DIP2C: variants seen among roughly 807,000 people sequenced by gnomAD.
DIP2C encodes the protein disco-interacting protein 2 homolog C.
Under a neutral mutation model 192.4 loss-of-function variants are expected in DIP2C, and 33 were observed. The observed-to-expected ratio is 0.17, with a 90% confidence interval of 0.13 to 0.23. The LOEUF (loss-of-function observed/expected upper bound fraction) is 0.23. Among genes scored for constraint, DIP2C ranks in the 10% least tolerant of loss-of-function variants. DIP2C has a pLI of 1.00. For missense variants in DIP2C, 1,537 were observed against 2,110.1 expected (o/e 0.73, Z 5.32); for synonymous variants, 979 against 864.1 (o/e 1.13, Z -2.33).
At position 684,446 on chromosome 10, in the gene DIP2C, C is replaced by A. The variant is rs181211225; in HGVS notation, c.85+5048G>T. Among the ~76,000 whole-genome samples, 325 of 152,314 alleles carry A rather than the reference C, an allele frequency of 2.1e-3. 1 individual carries two copies. Among genetic ancestry groups the A allele is most frequent in the Middle Eastern group, 6.8e-3 (2 of 294 alleles). On this transcript the variant is annotated intron_variant, in intron 1 of 36. Coordinates refer to ENST00000280886, the MANE Select transcript of DIP2C (RefSeq NM_014974.3). ...CTCCTCTCAGTTACAACAAACTGTC[C>A]GTGAGGCTCAATGAAGCTCAGCTTT...
intron 3 of DIP2C, among the ~76,000 whole-genome samples, chr10:442,316 G>A (rs1161657400): frequency 6.6e-6 from 1 of 152,022 alleles, no homozygotes; most frequent in Non-Finnish European, 1.5e-5. Context: ...CCCACAATCA[G>A]CTCATCACAC....
intron 8 of DIP2C, among the ~76,000 whole-genome samples, chr10:412,629 A>C (rs1965262170): frequency 6.6e-6 from 1 of 152,312 alleles, no homozygotes; most frequent in East Asian, 1.9e-4. Flanking sequence ...CCCAAATCCC[A>C]CATCTGTCCT....
intron 1 of DIP2C, among the ~76,000 whole-genome samples, chr10:555,892 C>T (rs112108307): frequency 6.6e-6 from 1 of 152,150 alleles, no homozygotes; most frequent in East Asian, 1.9e-4. Flanking sequence ...TCAGCGAACA[C>T]CCTTCCTGCA....
At chr10:424,165 TCGGGTGAGAGG>T (rs1966408076) in intron 4 of DIP2C, among the ~76,000 whole-genome samples, 2 of 152,242 alleles carry the variant, frequency 1.3e-5, no homozygotes, top group South Asian at 4.2e-4. Context: ...GCTCCAGCCA[TCGGGTGAGAGG>T]AGAAGTCACG....
intron 24 of DIP2C, 70 bp from the exon 25 acceptor site, chr10:349,524 C>A (rs951446137): frequency 6.5e-7 from 1 of 1,533,240 alleles, no homozygotes; most frequent in Non-Finnish European, 8.8e-7. Context: ...AGCGCGCACG[C>A]GTCATACAAC....
At position 363,992 on chromosome 10, in the gene DIP2C, G is replaced by A. The variant is rs540503843; in HGVS notation, c.2477+382C>T. Among the ~76,000 whole-genome samples, 273 of 152,316 alleles carry A rather than the reference G, an allele frequency of 1.8e-3. No individual in the cohort carries two copies. The highest frequency in any genetic ancestry group is 0.014 in the Middle Eastern group (4 of 294). On this transcript the variant is annotated intron_variant, in intron 20 of 36. Transcript: ENST00000280886. The surrounding 1 kb of genome is among the most constrained non-coding windows in gnomAD (Gnocchi z 5.4). ...AGAAGAAAACTGGTAGAGCGGGGAGGTGGCGAGCGTCTGCACTCACACAAG... is the reference window on the plus strand; with the variant it reads ...AGAAGAAAACTGGTAGAGCGGGGAGATGGCGAGCGTCTGCACTCACACAAG...
At chr10:526,895 T>A (rs567724197) in intron 1 of DIP2C, among the ~76,000 whole-genome samples, 1 of 152,328 alleles carries the variant, frequency 6.6e-6, no homozygotes. Context: ...CCATCATGGA[T>A]AACCAGCCCT....
Position 276,108 on chromosome 10 carries a change from T to A in DIP2C, c.*1217A>T, listed in dbSNP as rs1485032564. 1.3e-5 allele frequency: 2 copies of A among 152,664 alleles called. No homozygotes were observed. Among genetic ancestry groups the A allele is most frequent in the Non-Finnish European group, 2.9e-5 (2 of 68,042 alleles). 9.5% of individuals were successfully genotyped at this position (152,664 alleles called of 1,614,324 possible). A position where few individuals can be genotyped will look rare whatever the true frequency, so the allele number is the denominator to read the frequency against. ...AAAAAGATGACATTAACAAAAATGATGAAAAACATTGTGCAATGAATTCTT... is the reference window on the plus strand; with the variant it reads ...AAAAAGATGACATTAACAAAAATGAAGAAAAACATTGTGCAATGAATTCTT... On this transcript the variant is annotated 3_prime_UTR_variant, in exon 37 of 37. Transcript: ENST00000280886.
intron 1 of DIP2C, chr10:667,727 CAT>C (rs1857184540): frequency 6.6e-6 from 1 of 152,104 alleles, no homozygotes; most frequent in Non-Finnish European, 1.5e-5. Flanking sequence ...ACACAACACA[CAT>C]GTACAATGCA....
intron 1 of DIP2C, among the ~76,000 whole-genome samples, chr10:495,573 A>C (rs904976128): frequency 2.2e-4 from 33 of 151,704 alleles, no homozygotes; most frequent in Admixed American, 4.6e-4. Flanking sequence ...CAGTGAACAA[A>C]AAAAAAAAAA....
intron 1 of DIP2C, among the ~76,000 whole-genome samples, chr10:579,144 G>T (rs139578723): frequency 7.9e-5 from 12 of 151,442 alleles, no homozygotes; most frequent in African/African-American, 2.9e-4. Flanking sequence ...TACATGCGTA[G>T]AGCATACACC....
At chr10:507,182 T>C (rs1588332586) in intron 1 of DIP2C, among the ~76,000 whole-genome samples, 1 of 151,294 alleles carries the variant, frequency 6.6e-6, no homozygotes, top group Admixed American at 6.6e-5. Flanking sequence ...TCACCAGCTG[T>C]GCCCAATCAG....
At chr10:604,737 T>G (rs1289426075) in intron 1 of DIP2C, among the ~76,000 whole-genome samples, 1 of 152,208 alleles carries the variant, frequency 6.6e-6, no homozygotes, top group Non-Finnish European at 1.5e-5. Context: ...ATAAACTAAA[T>G]GGGTATATTA....
chr10:342,826 T>TA (rs1958223345), intron 28 of DIP2C, among the ~76,000 whole-genome samples: 1 of 152,202 alleles, frequency 6.6e-6, no homozygotes, highest in East Asian at 1.9e-4. Flanking sequence ...TCCTCTTCCC[T>TA]AATCCCTGTA....
chr10:668,292 C>T (rs560314809), intron 1 of DIP2C: 1 of 151,942 alleles, frequency 6.6e-6, no homozygotes, highest in South Asian at 2.1e-4. Flanking sequence ...ACATATAACA[C>T]ATACAACATA....
At chr10:602,942 C>T (rs1852191155) in intron 1 of DIP2C, among the ~76,000 whole-genome samples, 1 of 152,164 alleles carries the variant, frequency 6.6e-6, no homozygotes. Flanking sequence ...GATAACACCC[C>T]TCACCGGAGC....
chr10:512,584 C>CA (rs1158788617), intron 1 of DIP2C, among the ~76,000 whole-genome samples: 1 of 149,006 alleles, frequency 6.7e-6, no homozygotes, highest in Non-Finnish European at 1.5e-5. Context: ...GACCCCATCT[C>CA]AAAAAACAAA....
At position 345,045 on chromosome 10, in the gene DIP2C, C is replaced by T. The variant is rs763729749; in HGVS notation, c.3297G>A (p.Ala1099=). ...ACGTCCTGACGTCCACAGCCGCCGC[C>T]GCCTCCCTGGACCGCAGCAACTTAC... is the stretch of plus-strand genomic sequence containing the variant. ...LICKLLRSRE[A]AAAVDVRTWP... Residue 1099 remains alanine (A), a synonymous_variant, in exon 27 of 37, where the codon GCG becomes GCA. Transcript: ENST00000280886. 70 of 1,613,548 alleles carry T rather than the reference C, an allele frequency of 4.3e-5. No individual in the cohort carries two copies. Among genetic ancestry groups the T allele is most frequent in the Non-Finnish European group, 5.0e-5 (59 of 1,179,940 alleles).
chr10:686,909 A>G (rs1179712419), intron 1 of DIP2C, among the ~76,000 whole-genome samples: 1 of 152,274 alleles, frequency 6.6e-6, no homozygotes, highest in Admixed American at 6.5e-5. Flanking sequence ...CAGCCCACAC[A>G]GGAACCTCAG....
Sources: allele counts gnomAD v4.1 joint callset (sites outside exome capture counted in the v4.1 genomes callset), GRCh38; gene constraint gnomAD v4.1.1; non-coding constraint Gnocchi (gnomAD v3.1); transcripts MANE v1.5; gene names NCBI Gene and HGNC (gene_info 2026-07-23, HGNC 2026-07-21).